PRKN: variants seen among roughly 807,000 people sequenced by gnomAD.
PRKN encodes parkin RBR E3 ubiquitin protein ligase, also known as E3 ubiquitin-protein ligase parkin.
A neutral mutation model predicts 59.5 loss-of-function variants in PRKN; 56 were observed. That is an observed-to-expected ratio of 0.94 (90% CI 0.76 to 1.18). PRKN has a LOEUF of 1.18. Among genes scored for constraint, PRKN ranks in the 50% most tolerant of loss-of-function variants. The probability of loss-of-function intolerance (pLI) is 0.00; values close to 1 mark genes in which losing one functional copy is unlikely to be tolerated. For missense variants in PRKN, 657 were observed against 596.4 expected (o/e 1.10, Z -1.06); for synonymous variants, 250 against 222.1 (o/e 1.13, Z -1.12).
chr6:162,191,961 A>G (rs796870313), intron 4 of PRKN, among the ~76,000 whole-genome samples: 13 of 152,306 alleles, frequency 8.5e-5, no homozygotes, highest in African/African-American at 3.1e-4. Flanking sequence ...CAGCATCACG[A>G]ACCAATAAAC....
intron 1 of PRKN, among the ~76,000 whole-genome samples, chr6:162,661,248 T>C (rs779190164): frequency 1.3e-5 from 2 of 151,558 alleles, no homozygotes; most frequent in Non-Finnish European, 2.9e-5. Context: ...GCAACAAGAA[T>C]GAAACTCTGT....
intron 9 of PRKN, among the ~76,000 whole-genome samples, chr6:161,422,345 C>A (rs1467699045): frequency 6.6e-6 from 1 of 151,860 alleles, no homozygotes; most frequent in Non-Finnish European, 1.5e-5. Context: ...ACTACAGGCA[C>A]CCACCACCAC....
chr6:162,623,902 C>T (rs919104805), intron 1 of PRKN, among the ~76,000 whole-genome samples: 3 of 152,076 alleles, frequency 2.0e-5, no homozygotes, highest in Non-Finnish European at 4.4e-5. Flanking sequence ...TGCTTCACAG[C>T]CTAGCTTCAT....
At chr6:162,377,291 A>G (rs1786163717) in intron 2 of PRKN, among the ~76,000 whole-genome samples, 1 of 152,202 alleles carries the variant, frequency 6.6e-6, no homozygotes. Context: ...ATGTGCATAC[A>G]AATTCCATAC....
rs1351130846 is a variant in PRKN at position 161,974,123 on chromosome 6, C to T, written c.619-706G>A. Among the ~76,000 whole-genome samples the T allele has an allele frequency of 4.6e-5, 7 of 152,232 alleles. No homozygotes were observed. In the South Asian group the frequency reaches 8.3e-4, roughly 18 times the overall value. ...CTCTACTAAAAATACAAAAATTAGCCGGGCATGACGGCACATGACTGTAAT... is the reference window on the plus strand; with the variant it reads ...CTCTACTAAAAATACAAAAATTAGCTGGGCATGACGGCACATGACTGTAAT... On this transcript the variant is annotated intron_variant, in intron 5 of 11. Transcript: ENST00000366898.
At chr6:161,774,434 G>T in intron 7 of PRKN, among the ~76,000 whole-genome samples, 1 of 132,624 alleles carries the variant, frequency 7.5e-6, no homozygotes. Context: ...ACACACACAC[G>T]GCGTGGCTAG....
intron 9 of PRKN, among the ~76,000 whole-genome samples, chr6:161,427,693 T>C (rs952339219): frequency 6.6e-6 from 1 of 152,162 alleles, no homozygotes; most frequent in Non-Finnish European, 1.5e-5. Flanking sequence ...TGCCACTGTG[T>C]TCTACATTTA....
intron 7 of PRKN, among the ~76,000 whole-genome samples, chr6:161,665,379 T>G (rs1236576496): frequency 6.6e-6 from 1 of 152,126 alleles, no homozygotes; most frequent in East Asian, 1.9e-4. Context: ...TCTTAAACAT[T>G]TTTTTTCTGT....
chr6:162,563,580 A>C (rs1779940993), intron 1 of PRKN, among the ~76,000 whole-genome samples: 2 of 152,174 alleles, frequency 1.3e-5, no homozygotes, highest in Non-Finnish European at 2.9e-5. Context: ...AGACTAAAAT[A>C]AGTACCCAAC....
At chr6:162,214,001 C>T (rs1384954707) in intron 3 of PRKN, among the ~76,000 whole-genome samples, 2 of 152,024 alleles carry the variant, frequency 1.3e-5, no homozygotes, top group East Asian at 3.9e-4. Flanking sequence ...AGAAGGCAGC[C>T]ATGCACCCTA....
chr6:161,681,363 C>T (rs1042943224), intron 7 of PRKN, among the ~76,000 whole-genome samples: 2 of 152,048 alleles, frequency 1.3e-5, no homozygotes, highest in African/African-American at 4.8e-5. Context: ...TTCTCATGAT[C>T]TCTAGAAAAT....
chr6:161,897,135 C>T (rs1296579085), intron 6 of PRKN, among the ~76,000 whole-genome samples: 3 of 152,242 alleles, frequency 2.0e-5, no homozygotes, highest in Non-Finnish European at 4.4e-5. Context: ...CAGCCGATAG[C>T]TGAGCCAACA....
At chr6:162,314,844 T>C (rs1323070396) in intron 2 of PRKN, among the ~76,000 whole-genome samples, 1 of 152,146 alleles carries the variant, frequency 6.6e-6, no homozygotes, top group African/African-American at 2.4e-5. Context: ...TGCCACACTG[T>C]TGTCTTATAC....
chr6:162,299,334 G>C (rs1209565439), intron 2 of PRKN, among the ~76,000 whole-genome samples: 1 of 152,160 alleles, frequency 6.6e-6, no homozygotes, highest in African/African-American at 2.4e-5. Flanking sequence ...TGAAACGCTT[G>C]AGTGTCTCTC....
intron 6 of PRKN, among the ~76,000 whole-genome samples, chr6:161,931,438 C>T (rs1779168225): frequency 6.6e-6 from 1 of 152,146 alleles, no homozygotes; most frequent in Non-Finnish European, 1.5e-5. Context: ...TGGCACCCAG[C>T]ACCCCCAGAG....
chr6:161,853,748 A>T (rs1312407302), intron 6 of PRKN, among the ~76,000 whole-genome samples: 1 of 152,164 alleles, frequency 6.6e-6, no homozygotes, highest in Admixed American at 6.5e-5. Flanking sequence ...CATATCACAC[A>T]ATGTCAGAAA....
chr6:162,306,926 C>A (rs1383679466), intron 2 of PRKN, among the ~76,000 whole-genome samples: 1 of 152,152 alleles, frequency 6.6e-6, no homozygotes, highest in Non-Finnish European at 1.5e-5. Flanking sequence ...TGTTGTTTAA[C>A]TCAAGTGAAA....
At chr6:162,469,405 T>C (rs1183736616) in intron 1 of PRKN, among the ~76,000 whole-genome samples, 1 of 151,266 alleles carries the variant, frequency 6.6e-6, no homozygotes, top group East Asian at 2.0e-4. Flanking sequence ...TGCAGATGCA[T>C]GTTTATAGCA....
At chr6:161,426,660 C>CAT (rs1788374233) in intron 9 of PRKN, among the ~76,000 whole-genome samples, 2 of 117,642 alleles carry the variant, frequency 1.7e-5, no homozygotes, top group Non-Finnish European at 3.4e-5. Context: ...CACACACACA[C>CAT]ACACACACAC....
Sources: allele counts gnomAD v4.1 joint callset (sites outside exome capture counted in the v4.1 genomes callset), GRCh38; gene constraint gnomAD v4.1.1; transcripts MANE v1.5; gene names NCBI Gene and HGNC (gene_info 2026-07-23, HGNC 2026-07-21).